Variants in NRXN1 observed in about 807,000 individuals in gnomAD.
NRXN1 encodes neurexin-1.
NRXN1 carries 39 observed loss-of-function variants against 150.9 expected under a neutral mutation model. The ratio of observed to expected loss-of-function variants is 0.26; its 90% confidence interval spans 0.20 to 0.34. The LOEUF is 0.34. Ranked by LOEUF, NRXN1 falls within the 10% of genes least tolerant of loss-of-function variation. The pLI is 1.00. For synonymous variants in NRXN1, 924 were observed against 757.0 expected (o/e 1.22, Z -3.62); for missense variants, 1,815 against 1,949.9 (o/e 0.93, Z 1.30).
At chr2:50,327,461 A>G (rs529759799) in intron 17 of NRXN1, among the ~76,000 whole-genome samples, 44 of 152,312 alleles carry the variant, frequency 2.9e-4, no homozygotes, top group African/African-American at 1.0e-3. Context: ...TAGTAAACAC[A>G]TGTGGGTATA....
At chr2:50,846,953 C>T (rs914077976) in intron 5 of NRXN1, among the ~76,000 whole-genome samples, 1 of 152,084 alleles carries the variant, frequency 6.6e-6, no homozygotes, top group East Asian at 1.9e-4. Flanking sequence ...AATGGATAGT[C>T]ATGGAAAAGA....
At chr2:50,377,177 T>A (rs750940535) in intron 17 of NRXN1, among the ~76,000 whole-genome samples, 2 of 152,136 alleles carry the variant, frequency 1.3e-5, no homozygotes, top group African/African-American at 2.4e-5. Context: ...GGTGGTTTGC[T>A]GCACCTATCA....
At chr2:50,480,668 C>T (rs951500932) in intron 15 of NRXN1, among the ~76,000 whole-genome samples, 2 of 152,168 alleles carry the variant, frequency 1.3e-5, no homozygotes, top group African/African-American at 4.8e-5. Context: ...CACTCAAAGA[C>T]TCCTAAGGTT....
At chr2:50,242,322 GAGA>G (rs2066078056) in intron 17 of NRXN1, among the ~76,000 whole-genome samples, 1 of 151,810 alleles carries the variant, frequency 6.6e-6, no homozygotes, top group African/African-American at 2.4e-5. Context: ...CAAAAGCACA[GAGA>G]AGACCACATT....
At chr2:50,586,073 C>T (rs1310139550) in intron 8 of NRXN1, among the ~76,000 whole-genome samples, 1 of 152,180 alleles carries the variant, frequency 6.6e-6, no homozygotes, top group Non-Finnish European at 1.5e-5. Context: ...CCCACTCTTA[C>T]CTCGCTGATA....
chr2:50,645,987 T>C (rs967741983), intron 5 of NRXN1, among the ~76,000 whole-genome samples: 5 of 151,932 alleles, frequency 3.3e-5, no homozygotes, highest in African/African-American at 9.7e-5. Flanking sequence ...TCAACTGGCA[T>C]GCTGGAAGGG....
intron 5 of NRXN1, among the ~76,000 whole-genome samples, chr2:50,803,729 T>C (rs1667130296): frequency 1.3e-5 from 2 of 152,326 alleles, no homozygotes; most frequent in South Asian, 2.1e-4. Flanking sequence ...TCTTTAGTTA[T>C]ATAAGGTCAT....
intron 2 of NRXN1, among the ~76,000 whole-genome samples, chr2:51,025,462 G>A (rs1203518948): frequency 1.3e-5 from 2 of 152,080 alleles, no homozygotes; most frequent in African/African-American, 4.8e-5. Flanking sequence ...CATTAAAAAT[G>A]CATAGAAAAA....
intron 18 of NRXN1, among the ~76,000 whole-genome samples, chr2:50,157,303 T>C (rs569347128): frequency 6.6e-6 from 1 of 152,166 alleles, no homozygotes; most frequent in South Asian, 2.1e-4. Flanking sequence ...ATCTGCGTCT[T>C]AACTTTAAGC....
chr2:49,995,724 T>C (rs1182430947), intron 21 of NRXN1, among the ~76,000 whole-genome samples: 1 of 126,332 alleles, frequency 7.9e-6, no homozygotes, highest in Non-Finnish European at 1.6e-5. Flanking sequence ...GAGCTTGCAG[T>C]GAGCGGAGAT....
At chr2:50,444,676 C>T (rs1311961252) in intron 17 of NRXN1, among the ~76,000 whole-genome samples, 1 of 151,888 alleles carries the variant, frequency 6.6e-6, no homozygotes, top group African/African-American at 2.4e-5. Flanking sequence ...AAATCAATAC[C>T]TTAAAAATCA....
chr2:50,576,560 A>AT (rs1045559090), intron 8 of NRXN1, among the ~76,000 whole-genome samples: 63 of 152,172 alleles, frequency 4.1e-4, no homozygotes, highest in Non-Finnish European at 8.2e-4. Flanking sequence ...AAAGAAAAAC[A>AT]TTTTTTTACT....
chr2:50,478,377 T>C (rs1032790343), intron 15 of NRXN1, among the ~76,000 whole-genome samples: 8 of 152,186 alleles, frequency 5.3e-5, no homozygotes, highest in East Asian at 1.9e-4. Context: ...ATGAAAACTA[T>C]ACAAGATCAT....
chr2:50,914,431 C>G (rs1302255670), intron 5 of NRXN1, among the ~76,000 whole-genome samples: 1 of 151,674 alleles, frequency 6.6e-6, no homozygotes, highest in Non-Finnish European at 1.5e-5. Flanking sequence ...AGCCAAACTT[C>G]CAGGATCCTC....
intron 5 of NRXN1, among the ~76,000 whole-genome samples, chr2:50,863,115 A>G (rs771862525): frequency 4.6e-5 from 7 of 151,742 alleles, no homozygotes; most frequent in Non-Finnish European, 7.4e-5. Context: ...TGACTATCAT[A>G]TTTGGTAAGG....
chr2:50,968,168 TTGAC>T (rs1471248492), intron 2 of NRXN1, among the ~76,000 whole-genome samples: 2 of 152,106 alleles, frequency 1.3e-5, no homozygotes, highest in African/African-American at 4.8e-5. Flanking sequence ...CCCATTCTCT[TTGAC>T]TGTCTCCTGC....
intron 2 of NRXN1, among the ~76,000 whole-genome samples, chr2:50,967,822 T>C (rs1016418539): frequency 2.0e-5 from 3 of 152,050 alleles, no homozygotes; most frequent in East Asian, 1.9e-4. Context: ...TTCTAGAAGT[T>C]TGATGAGTCT....
At chr2:50,986,563 G>A (rs1024662730) in intron 2 of NRXN1, among the ~76,000 whole-genome samples, 1 of 151,468 alleles carries the variant, frequency 6.6e-6, no homozygotes, top group African/African-American at 2.4e-5. Flanking sequence ...TTAACATAGT[G>A]AGAAAAATAT....
At chr2:50,030,564 G>A (rs905167050) in intron 21 of NRXN1, among the ~76,000 whole-genome samples, 1 of 152,050 alleles carries the variant, frequency 6.6e-6, no homozygotes, top group African/African-American at 2.4e-5. Flanking sequence ...CCAACACTTT[G>A]TTTCTTCAGA....
Sources: allele counts gnomAD v4.1 joint callset (sites outside exome capture counted in the v4.1 genomes callset), GRCh38; gene constraint gnomAD v4.1.1; transcripts MANE v1.5; gene names NCBI Gene and HGNC (gene_info 2026-07-23, HGNC 2026-07-21).